The following DCAF4L1 variants were observed in gnomAD, a reference collection of about 807,000 sequenced individuals.
DCAF4L1 encodes DDB1- and CUL4-associated factor 4-like protein 1.
Under a neutral mutation model 28.2 loss-of-function variants are expected in DCAF4L1, and 4 were observed. The ratio of observed to expected loss-of-function variants is 0.14; its 90% CI spans 0.07 to 0.33. DCAF4L1 has a LOEUF of 0.33. Ranked by LOEUF, DCAF4L1 falls within the 10% of genes least tolerant of loss-of-function variation. The pLI is 1.00. For missense variants in DCAF4L1, 331 were observed against 506.1 expected, an observed-to-expected ratio of 0.65 and a Z score of 3.32; for synonymous variants, 252 against 212.1, an observed-to-expected ratio of 1.19 and a Z score of -1.63.
At position 41,982,042 on chromosome 4, in the gene DCAF4L1, G is replaced by C. The variant is rs1198697330; in HGVS notation, c.250G>C (p.Asp84His). 6.2e-7 allele frequency: 1 copy of C among 1,614,156 alleles called. No individual in the cohort carries two copies. The highest frequency in any genetic ancestry group is 8.5e-7 in the Non-Finnish European group (1 of 1,180,030). Residue 84 changes from aspartate (D) to histidine (H), a missense_variant, in exon 1 of 1, where the codon GAC becomes CAC. Transcript: ENST00000333141. The surrounding 1 kb of genome is among the most constrained non-coding windows in gnomAD (Gnocchi z 4.4). The part of the protein sequence containing the change: ...FNFILASTNS[D>H]QLFVVNQVEV... ...CTTCATTCTGGCGAGTACCAACAGC[G>C]ACCAGCTCTTCGTAGTGAACCAGGT...
Position 41,981,841 on chromosome 4 carries a change from AAGGT to A in DCAF4L1, c.52_55del (p.Val18ProfsTer16). On this transcript the variant is annotated frameshift_variant, in exon 1 of 1. Transcript: ENST00000333141. LOFTEE classifies it high-confidence loss of function. ...CCTCGAGGAAGAGGCCAAGCTGAAA[AAGGT>A]AGCCAGAATGGGATTTAATGCATCT... The A allele has an allele frequency of 6.2e-7, 1 of 1,614,164 alleles. No individual in the cohort carries two copies. The highest frequency in any genetic ancestry group is 8.5e-7 in the Non-Finnish European group (1 of 1,180,024).
Position 41,982,215 on chromosome 4 carries a change from C to T in DCAF4L1, c.423C>T (p.His141=), listed in dbSNP as rs1486887442. 3 of 1,614,238 alleles carry T rather than the reference C, an allele frequency of 1.9e-6. No homozygotes were observed. The highest frequency in any genetic ancestry group is 2.2e-5 in the East Asian group (1 of 44,890). ...CCTCGCTGAACCAGTTGGACTCTCA[C>T]GTTCTGCTGTGCTTCGAGGGAATCA... The part of the protein sequence containing the change: ...CWASLNQLDS[H]VLLCFEGITD... Residue 141 remains histidine, a synonymous_variant, in exon 1 of 1, where the codon CAC becomes CAT. Transcript: ENST00000333141. The surrounding 1 kb of genome is among the most constrained non-coding windows in gnomAD (Gnocchi z 4.4).
chr4:41,981,824 A>G lies in DCAF4L1; in HGVS notation c.32A>G (p.Glu11Gly), dbSNP rs147514308. 2.5e-4 allele frequency: 396 copies of G among 1,614,048 alleles called. 1 individual carries two copies. Among genetic ancestry groups the G allele is most frequent in the Non-Finnish European group, 5.9e-5 (70 of 1,180,042 alleles). Residue 11 changes from glutamate to glycine, a missense_variant, in exon 1 of 1, where the codon GAA (glutamate) becomes GGA (glycine). By Grantham distance (98) the Glu-to-Gly change is moderately conservative (BLOSUM62 -2). Coordinates refer to ENST00000333141, the MANE Select transcript of DCAF4L1 (RefSeq NM_001029955.4). MEAERLRLLEEEAKLKKVARM... is the reference protein window; with the variant it reads MEAERLRLLEGEAKLKKVARM... Reference sequence around the variant, plus strand: ...GCTGAAAGGCTGCGACTCCTCGAGGAAGAGGCCAAGCTGAAAAAGGTAGCC... The same window carrying G: ...GCTGAAAGGCTGCGACTCCTCGAGGGAGAGGCCAAGCTGAAAAAGGTAGCC...
In DCAF4L1 at chr4:41,985,216, CA is replaced by C. The variant is rs200746238; in HGVS notation, c.*2243del. The C allele has an allele frequency of 1.4e-4, 22 of 157,544 alleles. No homozygotes were observed. The highest frequency in any genetic ancestry group is 2.2e-4 in the South Asian group (1 of 4,526). 9.8% of individuals were successfully genotyped at this position (157,544 alleles called of 1,614,324 possible). On this transcript the variant is annotated 3_prime_UTR_variant, in exon 1 of 1. Coordinates refer to ENST00000333141, the MANE Select transcript of DCAF4L1 (RefSeq NM_001029955.4). ...TCCTCATTTGCAAAGAAAACAAATG[CA>C]AAAAAAAAATCAGTAAGAAAAACAC... is the stretch of plus-strand genomic sequence containing the variant.
In DCAF4L1 at chr4:41,981,831, C is replaced by T. The variant is rs763720391; in HGVS notation, c.39C>T (p.Ala13=). 6.2e-6 allele frequency: 10 copies of T among 1,613,990 alleles called. No homozygotes were observed. The highest frequency in any genetic ancestry group is 1.3e-5 in the African/African-American group (1 of 74,884). The change falls in exon 1 of 1, where the codon GCC becomes GCT. Residue 13 remains alanine, a synonymous_variant. Coordinates refer to ENST00000333141, the MANE Select transcript of DCAF4L1 (RefSeq NM_001029955.4). ...GGCTGCGACTCCTCGAGGAAGAGGC[C>T]AAGCTGAAAAAGGTAGCCAGAATGG... ...AERLRLLEEE[A]KLKKVARMGF...
Position 41,983,031 on chromosome 4 carries a change from T to C in DCAF4L1, c.*48T>C. 6.7e-7 allele frequency: 1 copy of C among 1,491,276 alleles called. No homozygotes were observed. The highest frequency in any genetic ancestry group is 9.1e-7 in the Non-Finnish European group (1 of 1,097,020). 92.4% of individuals were successfully genotyped at this position (1,491,276 alleles called of 1,614,324 possible). The stretch of plus-strand genomic sequence containing the variant: ...GAATGTGGATTTGACTTAAGGAAGT[T>C]AAGAGTATCTTATTACCGTTTCTGT... On this transcript the variant is annotated 3_prime_UTR_variant, in exon 1 of 1. Coordinates refer to ENST00000333141, the MANE Select transcript of DCAF4L1 (RefSeq NM_001029955.4).
chr4:41,983,085 T>C lies in DCAF4L1; in HGVS notation c.*102T>C. 2 of 996,840 alleles carry C rather than the reference T, an allele frequency of 2.0e-6. No homozygotes were observed. Among genetic ancestry groups the C allele is most frequent in the South Asian group, 1.7e-5 (1 of 59,640 alleles). The allele number at this position is 996,840 out of a possible 1,614,324, so 61.7% of individuals were successfully genotyped here. On this transcript the variant is annotated 3_prime_UTR_variant, in exon 1 of 1. Transcript: ENST00000333141. ...AGCATTTTAAGAGACGTGTTGTATA[T>C]AGATCGCATCCATCCGGCTGCCAGG... is the stretch of plus-strand genomic sequence containing the variant.
chr4:41,982,389 C>T lies in DCAF4L1; in HGVS notation c.597C>T (p.Cys199=). 3 of 1,614,250 alleles carry T rather than the reference C, an allele frequency of 1.9e-6. No individual in the cohort carries two copies. The highest frequency in any genetic ancestry group is 1.7e-6 in the Non-Finnish European group (2 of 1,180,048). The change falls in exon 1 of 1, where the codon TGC becomes TGT. Residue 199 remains cysteine, a synonymous_variant. Transcript: ENST00000333141. This position sits in a 1 kb window ranked among gnomAD's most constrained non-coding sequence, Gnocchi z 4.4. ...AWSLNTRAYH[C]FSAGLSQQVL... ...CCCTCAACACCCGGGCATATCACTG[C>T]TTTAGTGCAGGCTTGTCTCAGCAGG...
rs749398242 is a variant in DCAF4L1 at position 41,981,801 on chromosome 4, T to C, written c.9T>C (p.Ala3=). The C allele has an allele frequency of 4.3e-6, 7 of 1,613,834 alleles. No homozygotes were observed. The highest frequency in any genetic ancestry group is 2.2e-5 in the East Asian group (1 of 44,876). ME[A]ERLRLLEEEA... is the part of the protein sequence containing the mutation. ...ACATTCCGCAGGAGGAAATGGAGGC[T>C]GAAAGGCTGCGACTCCTCGAGGAAG... Residue 3 remains alanine, a synonymous_variant, in exon 1 of 1, where the codon GCT becomes GCC. Coordinates refer to ENST00000333141, the MANE Select transcript of DCAF4L1 (RefSeq NM_001029955.4).
At position 41,983,976 on chromosome 4, in the gene DCAF4L1, T is replaced by G. The variant is rs1391810628; in HGVS notation, c.*993T>G. On this transcript the variant is annotated 3_prime_UTR_variant, in exon 1 of 1. Transcript: ENST00000333141. ...AACAGTATGGACCAATCTCAACATG[T>G]TGACTGAAATTAGGTAGAAATGAGT... The G allele has an allele frequency of 6.0e-6, 1 of 165,694 alleles. No homozygotes were observed. Among genetic ancestry groups the G allele is most frequent in the Non-Finnish European group, 1.5e-5 (1 of 68,106 alleles). 10.3% of individuals were successfully genotyped at this position (165,694 alleles called of 1,614,324 possible). A position where few individuals can be genotyped will look rare whatever the true frequency, so the allele number is the denominator to read the frequency against.
rs140204766 is a variant in DCAF4L1, at chr4:41,981,847, G to A, written c.55G>A (p.Ala19Thr). 2,599 of 1,614,208 alleles carry A rather than the reference G, an allele frequency of 1.6e-3. 11 individuals are homozygous for A. Among genetic ancestry groups the A allele is most frequent in the Non-Finnish European group, 1.9e-3 (2,284 of 1,180,052 alleles). Residue 19 changes from alanine (A) to threonine (T), a missense_variant, in exon 1 of 1, where the codon GCC becomes ACC. Coordinates refer to ENST00000333141, the MANE Select transcript of DCAF4L1 (RefSeq NM_001029955.4). ...GGAAGAGGCCAAGCTGAAAAAGGTA[G>A]CCAGAATGGGATTTAATGCATCTTC... ...LEEEAKLKKVARMGFNASSML... is the reference protein window; with the variant it reads ...LEEEAKLKKVTRMGFNASSML...
Position 41,982,530 on chromosome 4 carries a change from G to T in DCAF4L1, c.738G>T (p.Gly246=). Residue 246 remains glycine, a synonymous_variant, in exon 1 of 1, where the codon GGG becomes GGT. Transcript: ENST00000333141. The surrounding 1 kb of genome is among the most constrained non-coding windows in gnomAD (Gnocchi z 4.4). The part of the protein sequence containing the change: ...APLLFNGCRS[G]EIFAIDLRCR... ...TGCTGTTTAATGGCTGTCGCTCCGG[G>T]GAGATCTTTGCCATTGATCTGCGTT... 6.2e-7 allele frequency: 1 copy of T among 1,614,210 alleles called. No homozygotes were observed. The highest frequency in any genetic ancestry group is 8.5e-7 in the Non-Finnish European group (1 of 1,180,036).
At position 41,982,678 on chromosome 4, in the gene DCAF4L1, C is replaced by T; in HGVS notation, c.886C>T (p.Leu296=). The part of the protein sequence containing the change: ...MASDMTGKIK[L]WDLRATKCVR... ...ATCAGACATGACTGGAAAGATCAAG[C>T]TGTGGGATCTGAGGGCCACTAAATG... The change falls in exon 1 of 1, where the codon CTG becomes TTG. Residue 296 remains leucine (L), a synonymous_variant. Coordinates refer to ENST00000333141, the MANE Select transcript of DCAF4L1 (RefSeq NM_001029955.4). This position sits in a 1 kb window ranked among gnomAD's most constrained non-coding sequence, Gnocchi z 4.4. 2 of 1,614,242 alleles carry T rather than the reference C, an allele frequency of 1.2e-6. No homozygotes were observed. Among genetic ancestry groups the T allele is most frequent in the Non-Finnish European group, 1.7e-6 (2 of 1,180,042 alleles).
rs1034977352 is a variant in DCAF4L1 at position 41,981,800 on chromosome 4, C to T, written c.8C>T (p.Ala3Val). 10 of 1,613,538 alleles carry T rather than the reference C, an allele frequency of 6.2e-6. No homozygotes were observed. The highest frequency in any genetic ancestry group is 8.5e-6 in the Non-Finnish European group (10 of 1,179,690). The stretch of plus-strand genomic sequence containing the variant: ...AACATTCCGCAGGAGGAAATGGAGG[C>T]TGAAAGGCTGCGACTCCTCGAGGAA... ME[A>V]ERLRLLEEEA... The change falls in exon 1 of 1, where the codon GCT becomes GTT. Residue 3 changes from alanine to valine, a missense_variant. Ala to Val is a moderately conservative substitution (Grantham distance 64). Coordinates refer to ENST00000333141, the MANE Select transcript of DCAF4L1 (RefSeq NM_001029955.4).
rs73233783 is a variant in DCAF4L1, at chr4:41,983,850, G to A, written c.*867G>A. On this transcript the variant is annotated 3_prime_UTR_variant, in exon 1 of 1. Transcript: ENST00000333141. The stretch of plus-strand genomic sequence containing the variant: ...TAGTTGCTACTTCTTAATAGCCAAA[G>A]CCTGGAAATGATCTGAATTTCGAAA... 15,180 of 166,958 alleles carry A rather than the reference G, an allele frequency of 0.091. 989 individuals are homozygous for A. Among genetic ancestry groups the A allele is most frequent in the Non-Finnish European group, 0.13 (8,722 of 68,084 alleles). The allele number at this position is 166,958 out of a possible 1,614,324, so 10.3% of individuals were successfully genotyped here.
rs756360554 is a variant in DCAF4L1 at position 41,982,368 on chromosome 4, C to G, written c.576C>G (p.Leu192=). ...IPEAWSCAWS[L]NTRAYHCFSA... ...AGGCCTGGTCCTGTGCGTGGTCCCT[C>G]AACACCCGGGCATATCACTGCTTTA... is the stretch of plus-strand genomic sequence containing the variant. Residue 192 remains leucine (L), a synonymous_variant, in exon 1 of 1, where the codon CTC becomes CTG. Coordinates refer to ENST00000333141, the MANE Select transcript of DCAF4L1 (RefSeq NM_001029955.4). This position sits in a 1 kb window ranked among gnomAD's most constrained non-coding sequence, Gnocchi z 4.4. 1 of 1,614,114 alleles carries G rather than the reference C, an allele frequency of 6.2e-7. No homozygotes were observed. The highest frequency in any genetic ancestry group is 8.5e-7 in the Non-Finnish European group (1 of 1,180,050).
In DCAF4L1 at chr4:41,983,622, C is replaced by G. The variant is rs1714062610; in HGVS notation, c.*639C>G. On this transcript the variant is annotated 3_prime_UTR_variant, in exon 1 of 1. Transcript: ENST00000333141. ...TAAATACTAGAAGTTTTAAACAGTC[C>G]TTGATGTGCTTTTGTTGAGGTACCT... 1 of 166,942 alleles carries G rather than the reference C, an allele frequency of 6.0e-6. No homozygotes were observed. The highest frequency in any genetic ancestry group is 6.6e-5 in the Admixed American group (1 of 15,258). 10.3% of individuals were successfully genotyped at this position (166,942 alleles called of 1,614,324 possible). A position where few individuals can be genotyped will look rare whatever the true frequency, so the allele number is the denominator to read the frequency against.
Position 41,982,205 on chromosome 4 carries a change from T to G in DCAF4L1, c.413T>G (p.Leu138Trp). 1.2e-6 allele frequency: 2 copies of G among 1,614,224 alleles called. No individual in the cohort carries two copies. Among genetic ancestry groups the G allele is most frequent in the Middle Eastern group, 3.3e-4 (2 of 6,062 alleles). ...KSLCWASLNQ[L>W]DSHVLLCFEG... ...CTGTGCTGGGCCTCGCTGAACCAGTTGGACTCTCACGTTCTGCTGTGCTTC... is the reference window on the plus strand; with the variant it reads ...CTGTGCTGGGCCTCGCTGAACCAGTGGGACTCTCACGTTCTGCTGTGCTTC... The change falls in exon 1 of 1, where the codon TTG becomes TGG. Residue 138 changes from leucine to tryptophan, a missense_variant. By Grantham distance (61) the Leu-to-Trp change is moderately conservative. Transcript: ENST00000333141. The surrounding 1 kb of genome is among the most constrained non-coding windows in gnomAD (Gnocchi z 4.4).
rs1560527331 is a variant in DCAF4L1 at position 41,982,686 on chromosome 4, T to C, written c.894T>C (p.Asp298=). 3 of 1,614,186 alleles carry C rather than the reference T, an allele frequency of 1.9e-6. No homozygotes were observed. The highest frequency in any genetic ancestry group is 2.5e-6 in the Non-Finnish European group (3 of 1,180,050). ...SDMTGKIKLW[D]LRATKCVRQY... is the part of the protein sequence containing the mutation. ...TGACTGGAAAGATCAAGCTGTGGGATCTGAGGGCCACTAAATGTGTAAGGC... is the reference window on the plus strand; with the variant it reads ...TGACTGGAAAGATCAAGCTGTGGGACCTGAGGGCCACTAAATGTGTAAGGC... The change falls in exon 1 of 1, where the codon GAT becomes GAC. Residue 298 remains aspartate (D), a synonymous_variant. Coordinates refer to ENST00000333141, the MANE Select transcript of DCAF4L1 (RefSeq NM_001029955.4). This position sits in a 1 kb window ranked among gnomAD's most constrained non-coding sequence, Gnocchi z 4.4.
Sources: gnomAD v4.1 joint callset for allele counts on GRCh38, gnomAD v4.1.1 for gene constraint, Gnocchi (gnomAD v3.1) non-coding constraint, MANE v1.5 for transcripts, NCBI Gene and HGNC (gene_info 2026-07-23, HGNC 2026-07-21) for gene names.